LPP: variants seen among roughly 807,000 people sequenced by gnomAD.
The protein encoded by LPP is LIM domain containing preferred translocation partner in lipoma.
A neutral mutation model predicts 60.4 loss-of-function variants in LPP; 38 were observed. The observed-to-expected ratio is 0.63, with a 90% CI of 0.49 to 0.83. The LOEUF (loss-of-function observed/expected upper bound fraction) is 0.83, where lower values mean the gene tolerates loss of function less well. LPP is among the 40% of genes least tolerant of loss of function. The pLI is 0.00. For missense variants in LPP, 902 were observed against 783.6 expected (o/e 1.15, Z -1.80); for synonymous variants, 328 against 290.8 (o/e 1.13, Z -1.30).
chr3:188,378,674 G>A (rs977511914), intron 3 of LPP, among the ~76,000 whole-genome samples: 33 of 152,146 alleles, frequency 2.2e-4, no homozygotes, highest in African/African-American at 8.0e-4. Context: ...GTGAGGTGAT[G>A]CCTCACCCTG....
intron 3 of LPP, among the ~76,000 whole-genome samples, chr3:188,391,855 A>G (rs993399163): frequency 1.3e-5 from 2 of 152,080 alleles, no homozygotes; most frequent in Non-Finnish European, 2.9e-5. Flanking sequence ...ATGAGAACAC[A>G]GATGCTGAAA....
chr3:188,299,459 G>A (rs1009859569), intron 2 of LPP, among the ~76,000 whole-genome samples: 1 of 152,104 alleles, frequency 6.6e-6, no homozygotes, highest in African/African-American at 2.4e-5. Flanking sequence ...TTGAATCTTC[G>A]TCTCTGATTC....
rs116677952 is a variant in LPP, at chr3:188,173,045, T to A, written c.-190+18793T>A. The stretch of plus-strand genomic sequence containing the variant: ...ACCACACCCAGATAAATTTTTGTAT[T>A]TTTTGTAGCGACAGGGTCTCACTGT... On this transcript the variant is annotated intron_variant, in intron 1 of 11. Transcript: ENST00000617246. Among the ~76,000 whole-genome samples, 677 of 152,248 alleles carry A rather than the reference T, an allele frequency of 4.4e-3. 3 individuals carry two copies. The highest frequency in any genetic ancestry group is 0.015 in the African/African-American group (642 of 41,562).
At chr3:188,471,075 A>C (rs150112135) in intron 4 of LPP, among the ~76,000 whole-genome samples, 3 of 152,286 alleles carry the variant, frequency 2.0e-5, no homozygotes, top group African/African-American at 7.2e-5. Context: ...ATACTCTCAA[A>C]CCATAATTCT....
chr3:188,166,423 T>C (rs1183433630), intron 1 of LPP, among the ~76,000 whole-genome samples: 1 of 152,236 alleles, frequency 6.6e-6, no homozygotes, highest in South Asian at 2.1e-4. Flanking sequence ...GGTAGCTGGC[T>C]CAGCTTGCAG....
At chr3:188,499,493 C>G (rs1052610557) in intron 5 of LPP, among the ~76,000 whole-genome samples, 2 of 152,168 alleles carry the variant, frequency 1.3e-5, no homozygotes. Context: ...CAATAGCACA[C>G]TGTTTTGCTT....
At chr3:188,718,420 AG>A (rs1484114143) in intron 8 of LPP, among the ~76,000 whole-genome samples, 2 of 152,354 alleles carry the variant, frequency 1.3e-5, no homozygotes, top group African/African-American at 4.8e-5. Context: ...TTCAAACATA[AG>A]AACACATTGT....
At chr3:188,781,735 C>CA (rs1272107448) in intron 9 of LPP, among the ~76,000 whole-genome samples, 2 of 150,060 alleles carry the variant, frequency 1.3e-5, no homozygotes, top group Non-Finnish European at 3.0e-5. Flanking sequence ...AAAAAAAATA[C>CA]AAAAAAATTA....
intron 6 of LPP, among the ~76,000 whole-genome samples, chr3:188,586,729 A>AT (rs1402450954): frequency 3.8e-4 from 18 of 47,506 alleles, no homozygotes; most frequent in Admixed American, 1.3e-3. Context: ...GTCCTTAAAC[A>AT]TTGTTTTTTT....
chr3:188,261,839 C>T (rs1216070162), intron 2 of LPP, among the ~76,000 whole-genome samples: 1 of 152,136 alleles, frequency 6.6e-6, no homozygotes, highest in African/African-American at 2.4e-5. Flanking sequence ...ATCGCTTGAA[C>T]CCAGGAGTTT....
At chr3:188,433,372 G>T (rs1307257479) in intron 4 of LPP, among the ~76,000 whole-genome samples, 1 of 152,054 alleles carries the variant, frequency 6.6e-6, no homozygotes, top group Non-Finnish European at 1.5e-5. Flanking sequence ...CAGCAATCTT[G>T]TATGAACCAT....
intron 9 of LPP, among the ~76,000 whole-genome samples, chr3:188,797,014 T>C (rs1348399637): frequency 6.6e-6 from 1 of 152,182 alleles, no homozygotes; most frequent in Non-Finnish European, 1.5e-5. Flanking sequence ...AGCTCAAGGC[T>C]TCCATCTCCA....
chr3:188,565,460 A>G (rs1454266318), intron 6 of LPP, among the ~76,000 whole-genome samples: 3 of 151,964 alleles, frequency 2.0e-5, no homozygotes, highest in Non-Finnish European at 4.4e-5. Flanking sequence ...TTTAGTTTTC[A>G]TTCTGGTTTT....
At chr3:188,734,487 G>A (rs552064207) in intron 8 of LPP, among the ~76,000 whole-genome samples, 1 of 152,326 alleles carries the variant, frequency 6.6e-6, no homozygotes, top group African/African-American at 2.4e-5. Flanking sequence ...GTAGCATTGG[G>A]GTTCCTGTAC....
chr3:188,409,838 C>T (rs75695956), intron 4 of LPP, among the ~76,000 whole-genome samples: 3,340 of 152,214 alleles, frequency 0.022, 109 homozygotes, highest in African/African-American at 0.072. Context: ...CTTGTTCTGA[C>T]GTAAATGTGA....
chr3:188,737,689 C>T (rs766332914), intron 8 of LPP, among the ~76,000 whole-genome samples: 2 of 152,150 alleles, frequency 1.3e-5, no homozygotes, highest in Admixed American at 6.6e-5. Flanking sequence ...GCTTTGGCTA[C>T]GGTTTGCTGC....
intron 3 of LPP, among the ~76,000 whole-genome samples, chr3:188,342,212 A>G (rs1330598990): frequency 6.6e-6 from 1 of 152,184 alleles, no homozygotes; most frequent in African/African-American, 2.4e-5. Context: ...AAATCATCTC[A>G]AAAAGCTAGA....
intron 2 of LPP, among the ~76,000 whole-genome samples, chr3:188,331,082 C>A (rs1759931537): frequency 6.6e-6 from 1 of 151,850 alleles, no homozygotes. Context: ...GCTGATTGAC[C>A]CCTTCAAAAT....
chr3:188,178,327 C>T (rs1723699466), intron 1 of LPP, among the ~76,000 whole-genome samples: 1 of 152,224 alleles, frequency 6.6e-6, no homozygotes, highest in Non-Finnish European at 1.5e-5. Flanking sequence ...TAGTTCTCCT[C>T]CTCACGCTGA....
Sources: gnomAD v4.1 joint callset for allele counts (sites outside exome capture counted in the v4.1 genomes callset) on GRCh38, gnomAD v4.1.1 for gene constraint, MANE v1.5 for transcripts, NCBI Gene and HGNC (gene_info 2026-07-23, HGNC 2026-07-21) for gene names.